SYNPO2: variants seen among roughly 807,000 people sequenced by gnomAD.
SYNPO2 encodes synaptopodin-2.
In SYNPO2, 56 loss-of-function variants were observed where a neutral mutation model predicts 85.0. That is an observed-to-expected ratio of 0.66 (90% CI 0.53 to 0.82). SYNPO2 has a LOEUF of 0.82. SYNPO2 is among the 40% of genes least tolerant of loss of function. The probability of loss-of-function intolerance (pLI) is 0.00; values close to 1 mark genes in which losing one functional copy is unlikely to be tolerated. For missense variants in SYNPO2, 1,575 were observed against 1,534.2 expected, an observed-to-expected ratio of 1.03 and a Z score of -0.44; for synonymous variants, 602 against 591.1, an observed-to-expected ratio of 1.02 and a Z score of -0.27.
Position 119,030,853 on chromosome 4 carries a change from C to A in SYNPO2, c.2078C>A (p.Thr693Lys), listed in dbSNP as rs143309861. ...CAGGAGGCCAAAAGGAGAAGCACGA[C>A]AAAACCCATGTTTACTTTTAAAGAG... is the stretch of plus-strand genomic sequence containing the variant. ...ILQEAKRRST[T>K]KPMFTFKEPK... The change falls in exon 4 of 5, where the codon ACA becomes AAA. Residue 693 changes from threonine (T) to lysine (K), a missense_variant. Around this residue, in one of 3 missense-constraint regions of SYNPO2, gnomAD observed 1,508 missense variants for 1,446.8 expected, o/e 1.04. Coordinates refer to ENST00000307142, the MANE Select transcript of SYNPO2 (RefSeq NM_133477.3). 8.7e-6 allele frequency: 14 copies of A among 1,614,142 alleles called. No individual in the cohort carries two copies. The highest frequency in any genetic ancestry group is 1.1e-5 in the Non-Finnish European group (13 of 1,180,032).
chr4:118,876,713 CTTTCTTTCT>C (rs1731930561), intron 1 of SYNPO2, among the ~76,000 whole-genome samples: 1 of 117,738 alleles, frequency 8.5e-6, no homozygotes, highest in Non-Finnish European at 1.8e-5. Context: ...TTCTTTCTTT[CTTTCTTTCT>C]TTCTTTCTTT....
At chr4:119,018,704 G>A (rs1206844190) in intron 1 of SYNPO2, among the ~76,000 whole-genome samples, 1 of 152,058 alleles carries the variant, frequency 6.6e-6, no homozygotes, top group East Asian at 1.9e-4. Flanking sequence ...GATGGTTGAT[G>A]GGTACAAAAA....
chr4:119,028,880 A>G (rs1391597193), intron 3 of SYNPO2, among the ~76,000 whole-genome samples: 1 of 151,884 alleles, frequency 6.6e-6, no homozygotes, highest in Non-Finnish European at 1.5e-5. Flanking sequence ...TAAATGATAG[A>G]TGCTATATGT....
intron 1 of SYNPO2, among the ~76,000 whole-genome samples, chr4:118,961,024 C>T (rs577401696): frequency 6.6e-6 from 1 of 151,992 alleles, no homozygotes; most frequent in South Asian, 2.1e-4. Context: ...CTACTAGCTT[C>T]CTATCGCCCC....
chr4:118,858,243 C>T (rs999529766), intron 1 of SYNPO2, among the ~76,000 whole-genome samples: 1 of 139,954 alleles, frequency 7.1e-6, no homozygotes, highest in Non-Finnish European at 1.7e-5. Flanking sequence ...CTCCCCACTT[C>T]CTTGCTGCCC....
intron 1 of SYNPO2, among the ~76,000 whole-genome samples, chr4:118,880,151 C>T (rs1173788044): frequency 1.3e-5 from 2 of 152,180 alleles, no homozygotes; most frequent in Non-Finnish European, 1.5e-5. Flanking sequence ...GGTCTGGCTA[C>T]TTGCTCGGAA....
chr4:119,036,918 G>T, intron 4 of SYNPO2: 4 of 1,195,658 alleles, frequency 3.3e-6, no homozygotes, highest in Non-Finnish European at 4.1e-6. Flanking sequence ...AGCCAATAAA[G>T]TGCATCCCAA....
intron 4 of SYNPO2, chr4:119,033,884 A>T: frequency 4.1e-6 from 4 of 985,348 alleles, no homozygotes; most frequent in Non-Finnish European, 4.8e-6. Context: ...TGTAATCCTT[A>T]GGTATTTCTA....
intron 4 of SYNPO2, among the ~76,000 whole-genome samples, chr4:119,040,344 A>G (rs532746963): frequency 6.6e-6 from 1 of 152,212 alleles, no homozygotes; most frequent in South Asian, 2.1e-4. Context: ...TTGACACAAG[A>G]AATCTATTCC....
In SYNPO2 at chr4:119,031,298, A is replaced by T. The variant is rs1248919792; in HGVS notation, c.2523A>T (p.Thr841=). The T allele has an allele frequency of 6.2e-7, 1 of 1,614,032 alleles. No homozygotes were observed. The highest frequency in any genetic ancestry group is 8.5e-7 in the Non-Finnish European group (1 of 1,179,994). ...PQAAVASQNY[T]PKPTVSTPTV... ...CAGCAGTAGCCAGTCAGAATTACAC[A>T]CCCAAACCAACAGTTTCCACACCAA... Residue 841 remains threonine (T), a synonymous_variant, in exon 4 of 5, where the codon ACA becomes ACT. Coordinates refer to ENST00000307142, the MANE Select transcript of SYNPO2 (RefSeq NM_133477.3).
At chr4:118,880,280 C>G (rs1419361235) in intron 1 of SYNPO2, among the ~76,000 whole-genome samples, 1 of 152,184 alleles carries the variant, frequency 6.6e-6, no homozygotes, top group Non-Finnish European at 1.5e-5. Flanking sequence ...GTTAGGCTAT[C>G]TGTATGCTGT....
At chr4:118,934,769 T>G (rs988057144) in intron 1 of SYNPO2, among the ~76,000 whole-genome samples, 1 of 152,158 alleles carries the variant, frequency 6.6e-6, no homozygotes, top group Non-Finnish European at 1.5e-5. Flanking sequence ...GCAAAAATGG[T>G]CATTTAGTCT....
intron 4 of SYNPO2, chr4:119,037,582 C>T (rs1738570341): frequency 1.0e-6 from 1 of 988,658 alleles, no homozygotes; most frequent in Non-Finnish European, 1.2e-6. Flanking sequence ...GTCAGGATGA[C>T]ATGAGTGGGG....
chr4:118,883,056 C>G (rs1300594762), intron 1 of SYNPO2, among the ~76,000 whole-genome samples: 1 of 151,362 alleles, frequency 6.6e-6, no homozygotes, highest in Non-Finnish European at 1.5e-5. Context: ...CCACCGCGCC[C>G]CGCCTGTTTT....
intron 1 of SYNPO2, among the ~76,000 whole-genome samples, chr4:118,990,022 A>G (rs572193742): frequency 6.6e-6 from 1 of 152,380 alleles, no homozygotes; most frequent in Admixed American, 6.5e-5. Context: ...AAACAGATAC[A>G]TTAAAACATC....
At chr4:118,880,410 T>C (rs1470119649) in intron 1 of SYNPO2, among the ~76,000 whole-genome samples, 2 of 152,120 alleles carry the variant, frequency 1.3e-5, no homozygotes, top group Non-Finnish European at 2.9e-5. Context: ...TAGTGGCAGT[T>C]CCAAATAATC....
At position 119,030,108 on chromosome 4, in the gene SYNPO2, G is replaced by T. The variant is rs1578659394; in HGVS notation, c.1333G>T (p.Val445Leu). The T allele has an allele frequency of 2.5e-6, 4 of 1,614,152 alleles. No homozygotes were observed. The highest frequency in any genetic ancestry group is 3.4e-6 in the Non-Finnish European group (4 of 1,180,034). The stretch of plus-strand genomic sequence containing the variant: ...ATTTCTTGGTGCAAGCGAATCAGAG[G>T]TGGATGAAGAGTTATTGTCTGACGT... ...VAFLGASESE[V>L]DEELLSDVDD... The change falls in exon 4 of 5, where the codon GTG becomes TTG. Residue 445 changes from valine to leucine, a missense_variant. Physicochemically the swap from Val to Leu is conservative, Grantham distance 32. Transcript: ENST00000307142.
At chr4:118,917,294 G>A (rs996484401) in intron 1 of SYNPO2, among the ~76,000 whole-genome samples, 4 of 152,126 alleles carry the variant, frequency 2.6e-5, no homozygotes, top group Admixed American at 2.6e-4. Context: ...TTGGGAGGCT[G>A]ACAGGAGAAT....
At chr4:118,900,741 G>GTCTGTCTATCTA (rs371824212) in intron 1 of SYNPO2, among the ~76,000 whole-genome samples, 9 of 86,292 alleles carry the variant, frequency 1.0e-4, no homozygotes, top group South Asian at 5.1e-4. Flanking sequence ...ATGTCTGTCT[G>GTCTGTCTATCTA]TCTATCTATC....
Sources: gnomAD v4.1 joint callset for allele counts (sites outside exome capture counted in the v4.1 genomes callset) on GRCh38, gnomAD v4.1.1 for gene constraint, gnomAD v4.1.1 regional missense constraint, MANE v1.5 for transcripts, NCBI Gene and HGNC (gene_info 2026-07-23, HGNC 2026-07-21) for gene names.